MVB12B: variants seen among roughly 807,000 people sequenced by gnomAD.
The protein encoded by MVB12B is ESCRT-I complex subunit MVB12B.
A neutral mutation model predicts 41.6 loss-of-function variants in MVB12B; 16 were observed. The ratio of observed to expected loss-of-function variants is 0.38; its 90% CI spans 0.26 to 0.58. The LOEUF (loss-of-function observed/expected upper bound fraction) is 0.58. Ranked by LOEUF, MVB12B falls within the 20% of genes least tolerant of loss-of-function variation. The pLI, the probability that MVB12B is intolerant of heterozygous loss-of-function variation, is 0.62. For synonymous variants in MVB12B, 133 were observed against 139.7 expected (o/e 0.95, Z 0.34); for missense variants, 274 against 380.2 (o/e 0.72, Z 2.32).
chr9:126,397,556 G>T, intron 6 of MVB12B: 13 of 985,282 alleles, frequency 1.3e-5, no homozygotes, highest in Non-Finnish European at 1.6e-5. Context: ...TTCTAATTTG[G>T]CTGAGTTAAG....
In MVB12B at chr9:126,441,246, G is replaced by T. The variant is rs527256842; in HGVS notation, c.757+19298G>T. Among the ~76,000 whole-genome samples, 8 of 152,252 alleles carry T rather than the reference G, an allele frequency of 5.3e-5. No homozygotes were observed. In the South Asian group the frequency reaches 1.5e-3, roughly 28 times the overall value. On this transcript the variant is annotated intron_variant, in intron 7 of 9. Transcript: ENST00000361171. ...CACAGCTATTTCCAGATTCCTCTGC[G>T]AGGCTTGAAGGCGAAACAAAAGGGA...
intron 7 of MVB12B, among the ~76,000 whole-genome samples, chr9:126,461,109 C>T (rs1833078927): frequency 6.6e-6 from 1 of 152,194 alleles, no homozygotes; most frequent in Admixed American, 6.5e-5. Context: ...ATCAGGAAAA[C>T]AGAAACTGGA....
intron 2 of MVB12B, among the ~76,000 whole-genome samples, chr9:126,361,047 A>G (rs1830015721): frequency 6.6e-6 from 1 of 152,194 alleles, no homozygotes; most frequent in Non-Finnish European, 1.5e-5. Context: ...GTGTTTAGCC[A>G]TTTACATTTA....
chr9:126,456,079 G>A (rs751649981), intron 7 of MVB12B, among the ~76,000 whole-genome samples: 3 of 151,732 alleles, frequency 2.0e-5, no homozygotes, highest in Non-Finnish European at 4.4e-5. Context: ...TAGTAGAGAC[G>A]GGGTTTCACC....
chr9:126,444,003 C>T (rs1166796650), intron 7 of MVB12B, among the ~76,000 whole-genome samples: 1 of 152,188 alleles, frequency 6.6e-6, no homozygotes, highest in Non-Finnish European at 1.5e-5. Context: ...CATGTTATTG[C>T]ATGTATCAGG....
At chr9:126,489,488 C>T (rs565912489) in intron 9 of MVB12B, among the ~76,000 whole-genome samples, 5 of 152,306 alleles carry the variant, frequency 3.3e-5, no homozygotes, top group Admixed American at 3.3e-4. Context: ...TGCCCAAGGA[C>T]GGTCATGTTT....
At chr9:126,476,048 G>C (rs974158922) in intron 7 of MVB12B, among the ~76,000 whole-genome samples, 1 of 152,234 alleles carries the variant, frequency 6.6e-6, no homozygotes, top group Admixed American at 6.5e-5. Context: ...TGCTGGTCCA[G>C]TCAGGAGCAC....
At chr9:126,341,810 G>T (rs1360658808) in intron 2 of MVB12B, among the ~76,000 whole-genome samples, 2 of 152,178 alleles carry the variant, frequency 1.3e-5, no homozygotes, top group African/African-American at 4.8e-5. Flanking sequence ...ATGTCTCCAG[G>T]AGCAGGGGGT....
intron 2 of MVB12B, among the ~76,000 whole-genome samples, chr9:126,364,618 C>T (rs1830114442): frequency 6.6e-6 from 1 of 152,222 alleles, no homozygotes; most frequent in South Asian, 2.1e-4. Flanking sequence ...AAGATGTTGC[C>T]ACTTTACCTT....
Position 126,376,655 on chromosome 9 carries a change from T to C in MVB12B, c.205-4409T>C, listed in dbSNP as rs1830489769. On this transcript the variant is annotated intron_variant, in intron 2 of 9. Coordinates refer to ENST00000361171, the MANE Select transcript of MVB12B (RefSeq NM_033446.3). The surrounding 1 kb of genome is among the most constrained non-coding windows in gnomAD (Gnocchi z 4.1). The stretch of plus-strand genomic sequence containing the variant: ...TAAGCGCGGGTGGCAGGGAGGGGCC[T>C]GCCATTGCCATTCAGTGTGTACGCT... 1 of 1,288,912 alleles carries C rather than the reference T, an allele frequency of 7.8e-7. No individual in the cohort carries two copies. Among genetic ancestry groups the C allele is most frequent in the Non-Finnish European group, 1.0e-6 (1 of 988,516 alleles). 79.8% of individuals were successfully genotyped at this position (1,288,912 alleles called of 1,614,324 possible).
chr9:126,339,384 G>A (rs1336783204), intron 1 of MVB12B, among the ~76,000 whole-genome samples: 1 of 152,206 alleles, frequency 6.6e-6, no homozygotes, highest in Non-Finnish European at 1.5e-5. Flanking sequence ...AATTGTTGCA[G>A]AAGGAGGTGG....
intron 6 of MVB12B, among the ~76,000 whole-genome samples, chr9:126,400,852 G>T (rs962151234): frequency 2.6e-5 from 4 of 152,236 alleles, no homozygotes; most frequent in Admixed American, 2.6e-4. Context: ...TCTCCGTCCA[G>T]GGTAGGCAGG....
At chr9:126,490,877 T>G (rs1293722296) in intron 9 of MVB12B, among the ~76,000 whole-genome samples, 1 of 152,228 alleles carries the variant, frequency 6.6e-6, no homozygotes, top group African/African-American at 2.4e-5. Flanking sequence ...GAATGTTCTT[T>G]AAATGAACAT....
rs1199609005 is a variant in MVB12B at position 126,495,354 on chromosome 9, A to AGAGCAAGTCATGGTTTTGTCTTT, written c.874-7822_874-7821insAGCAAGTCATGGTTTTGTCTTTG. ...AGGGAGGGAAGGGTTGGGGAGAGCG[A>AGAGCAAGTCATGGTTTTGTCTTT]GGCGAGAGCAAGTCATGGTTTTGTC... On this transcript the variant is annotated intron_variant, in intron 9 of 9. Transcript: ENST00000361171. Among the ~76,000 whole-genome samples, 3 of 152,318 alleles carry AGAGCAAGTCATGGTTTTGTCTTT rather than the reference A, an allele frequency of 2.0e-5. No homozygotes were observed. In the East Asian group the frequency reaches 5.8e-4, roughly 29 times the overall value.
At chr9:126,396,269 A>G (rs1831111515) in intron 6 of MVB12B, 1 of 979,714 alleles carries the variant, frequency 1.0e-6, no homozygotes, top group African/African-American at 1.7e-5. Flanking sequence ...GATTTCAGTC[A>G]TAACAGAGGT....
intron 7 of MVB12B, among the ~76,000 whole-genome samples, chr9:126,450,536 G>A (rs1402371678): frequency 6.6e-6 from 1 of 152,206 alleles, no homozygotes; most frequent in Non-Finnish European, 1.5e-5. Context: ...TTATTTACAG[G>A]AAACTGCATT....
chr9:126,360,374 A>G (rs1829995883), intron 2 of MVB12B, among the ~76,000 whole-genome samples: 2 of 152,166 alleles, frequency 1.3e-5, no homozygotes, highest in Non-Finnish European at 2.9e-5. Flanking sequence ...TCTCCATTGT[A>G]TATTATTATG....
chr9:126,344,679 G>T (rs545489048), intron 2 of MVB12B, among the ~76,000 whole-genome samples: 1 of 152,214 alleles, frequency 6.6e-6, no homozygotes, highest in Non-Finnish European at 1.5e-5. Flanking sequence ...TAGTCCTTTT[G>T]TGCTGCCATG....
At chr9:126,348,370 C>T (rs1010953498) in intron 2 of MVB12B, among the ~76,000 whole-genome samples, 1 of 152,184 alleles carries the variant, frequency 6.6e-6, no homozygotes, top group Non-Finnish European at 1.5e-5. Context: ...ATGCACGTGG[C>T]ACACTTAGCA....
Sources: gnomAD v4.1 joint callset for allele counts (sites outside exome capture counted in the v4.1 genomes callset) on GRCh38, gnomAD v4.1.1 for gene constraint, Gnocchi (gnomAD v3.1) non-coding constraint, MANE v1.5 for transcripts, NCBI Gene and HGNC (gene_info 2026-07-23, HGNC 2026-07-21) for gene names.